Variants in OSBPL10 observed in about 807,000 individuals in gnomAD.
The protein encoded by OSBPL10 is oxysterol binding protein like 10.
Under a neutral mutation model 81.7 loss-of-function variants are expected in OSBPL10, and 49 were observed. That is an observed-to-expected ratio of 0.60 (90% CI 0.48 to 0.76). The LOEUF is 0.76. Among genes scored for constraint, OSBPL10 ranks in the 30% least tolerant of loss-of-function variants. OSBPL10 has a pLI of 0.00. For synonymous variants in OSBPL10, 419 were observed against 383.6 expected (o/e 1.09, Z -1.08); for missense variants, 923 against 987.8 (o/e 0.93, Z 0.88).
chr3:31,930,096 T>C (rs1451897512), intron 1 of OSBPL10, among the ~76,000 whole-genome samples: 1 of 151,384 alleles, frequency 6.6e-6, no homozygotes, highest in Non-Finnish European at 1.5e-5. Context: ...CTTGAGCACT[T>C]GAGACCAGGC....
At chr3:31,957,307 C>T (rs1698036416) in intron 1 of OSBPL10, among the ~76,000 whole-genome samples, 1 of 152,058 alleles carries the variant, frequency 6.6e-6, no homozygotes, top group Middle Eastern at 3.2e-3. Flanking sequence ...TACCCACAAC[C>T]TTTGACTCAG....
chr3:31,748,272 CT>C, intron 4 of OSBPL10, 152 bp from the exon 5 acceptor site: 1 of 726,348 alleles, frequency 1.4e-6, no homozygotes, highest in South Asian at 1.8e-5. Context: ...ATACTCAATC[CT>C]GGGTGAAATC....
intron 1 of OSBPL10, among the ~76,000 whole-genome samples, chr3:31,959,366 G>C (rs1371530060): frequency 6.6e-6 from 1 of 152,058 alleles, no homozygotes; most frequent in East Asian, 1.9e-4. Flanking sequence ...TAAAATAAAA[G>C]CAACTTTGTC....
chr3:31,952,919 A>T (rs1182772616), intron 1 of OSBPL10, among the ~76,000 whole-genome samples: 5 of 149,826 alleles, frequency 3.3e-5, no homozygotes, highest in Non-Finnish European at 7.4e-5. Context: ...ATTTTTGTAA[A>T]ATCTTCCTAC....
intron 3 of OSBPL10, among the ~76,000 whole-genome samples, chr3:31,852,242 TGTG>T (rs1700786677): frequency 1.3e-5 from 2 of 152,154 alleles, no homozygotes; most frequent in Non-Finnish European, 2.9e-5. Context: ...TGAGGGTGAC[TGTG>T]CTCCTTCCCC....
At chr3:31,810,629 G>A (rs902528380) in intron 4 of OSBPL10, among the ~76,000 whole-genome samples, 4 of 152,014 alleles carry the variant, frequency 2.6e-5, no homozygotes, top group African/African-American at 7.2e-5. Context: ...ATAAAAATGG[G>A]CAAAAAACAT....
chr3:31,873,613 A>T (rs1202076026), intron 3 of OSBPL10, among the ~76,000 whole-genome samples: 1 of 152,164 alleles, frequency 6.6e-6, no homozygotes, highest in Admixed American at 6.5e-5. Context: ...TTTACGTAAG[A>T]GTTTTTAAAA....
intron 1 of OSBPL10, among the ~76,000 whole-genome samples, chr3:31,937,643 A>C (rs1283864316): frequency 6.6e-6 from 1 of 151,758 alleles, no homozygotes; most frequent in Non-Finnish European, 1.5e-5. Flanking sequence ...CACAGTCCAA[A>C]ACTTCCCTTG....
At chr3:32,023,817 T>C (rs1699379248) in intron 2 of OSBPL10, among the ~76,000 whole-genome samples, 1 of 152,238 alleles carries the variant, frequency 6.6e-6, no homozygotes. Context: ...CTATGTTTTT[T>C]TCTATACTGG....
intron 6 of OSBPL10, among the ~76,000 whole-genome samples, chr3:31,717,692 G>C (rs959412915): frequency 2.2e-4 from 33 of 152,266 alleles, no homozygotes; most frequent in Admixed American, 1.0e-3. Context: ...CAGTGACACA[G>C]GATATTAAAA....
At chr3:31,968,088 CTTTA>C (rs1407770755) in intron 1 of OSBPL10, among the ~76,000 whole-genome samples, 1 of 152,150 alleles carries the variant, frequency 6.6e-6, no homozygotes, top group Admixed American at 6.5e-5. Context: ...ACCACAGTTG[CTTTA>C]TTATTTTTTC....
chr3:31,792,740 A>AGTGTGTGTGT lies in OSBPL10; in HGVS notation c.729+37290_729+37299dup, dbSNP rs10575874. Among the ~76,000 whole-genome samples, 578 of 133,692 alleles carry AGTGTGTGTGT rather than the reference A, an allele frequency of 4.3e-3. 4 individuals carry two copies. The highest frequency in any genetic ancestry group is 7.4e-3 in the Middle Eastern group (2 of 272). 87.7% of individuals were successfully genotyped at this position (133,692 alleles called of 152,430 possible). On this transcript the variant is annotated intron_variant, in intron 4 of 11. Coordinates refer to ENST00000396556, the MANE Select transcript of OSBPL10 (RefSeq NM_017784.5). ...TACACTCTCAGCTATCCAGACACAG[A>AGTGTGTGTGT]GTGTGTGTGTGTGTGTGTGTGTGTG...
intron 4 of OSBPL10, among the ~76,000 whole-genome samples, chr3:31,750,088 AGGAGAATC>A (rs2125701672): frequency 6.6e-6 from 1 of 152,238 alleles, no homozygotes; most frequent in Admixed American, 6.5e-5. Flanking sequence ...AGGCTGAGGT[AGGAGAATC>A]GCTTTAACCC....
At chr3:31,846,332 A>G (rs937176240) in intron 3 of OSBPL10, among the ~76,000 whole-genome samples, 13 of 152,138 alleles carry the variant, frequency 8.5e-5, no homozygotes, top group Admixed American at 6.5e-4. Context: ...AATTTAAAAA[A>G]TCCTACTGGG....
intron 8 of OSBPL10, among the ~76,000 whole-genome samples, chr3:31,678,146 G>T (rs1455790195): frequency 6.6e-6 from 1 of 151,614 alleles, no homozygotes; most frequent in Admixed American, 6.6e-5. Flanking sequence ...GGGGACAGAG[G>T]GCTAAAAGGA....
chr3:31,733,590 T>A (rs189062379), intron 5 of OSBPL10, among the ~76,000 whole-genome samples, 179 bp from the exon 6 acceptor site: 3 of 152,232 alleles, frequency 2.0e-5, no homozygotes, highest in Admixed American at 2.0e-4. Flanking sequence ...GATGAACTAG[T>A]TTCTGTATAA....
At chr3:31,800,143 A>G (rs902799621) in intron 4 of OSBPL10, among the ~76,000 whole-genome samples, 2 of 152,248 alleles carry the variant, frequency 1.3e-5, no homozygotes, top group African/African-American at 4.8e-5. Context: ...ATTAACTTGA[A>G]TCACATTGAT....
At chr3:31,847,189 C>T (rs555182913) in intron 3 of OSBPL10, among the ~76,000 whole-genome samples, 21 of 150,736 alleles carry the variant, frequency 1.4e-4, no homozygotes, top group African/African-American at 3.9e-4. Context: ...CAATTCTCCC[C>T]ATTCCTTTTT....
chr3:31,946,937 G>T (rs961298922), intron 1 of OSBPL10, among the ~76,000 whole-genome samples: 12 of 152,184 alleles, frequency 7.9e-5, no homozygotes, highest in African/African-American at 2.9e-4. Context: ...TCGAAACAAA[G>T]ACAAGGGCAG....
Sources: gnomAD v4.1 joint callset for allele counts (sites outside exome capture counted in the v4.1 genomes callset) on GRCh38, gnomAD v4.1.1 for gene constraint, MANE v1.5 for transcripts, NCBI Gene and HGNC (gene_info 2026-07-23, HGNC 2026-07-21) for gene names.